Variants in ITGB8 observed in about 807,000 individuals in gnomAD.
ITGB8 encodes the protein integrin beta-8.
Under a neutral mutation model 89.5 loss-of-function variants are expected in ITGB8, and 30 were observed. That is an observed-to-expected ratio of 0.34 (90% CI 0.25 to 0.45). ITGB8 has a LOEUF of 0.45. Among genes scored for constraint, ITGB8 ranks in the 20% least tolerant of loss-of-function variants. ITGB8 has a pLI of 1.00. For synonymous variants in ITGB8, 335 were observed against 320.4 expected, an observed-to-expected ratio of 1.05 and a Z score of -0.49; for missense variants, 836 against 933.3, an observed-to-expected ratio of 0.90 and a Z score of 1.36.
At chr7:20,409,808 C>T in intron 13 of ITGB8, 30 bp downstream of exon 13, 2 of 1,610,922 alleles carry the variant, frequency 1.2e-6, no homozygotes, top group Non-Finnish European at 1.7e-6. Flanking sequence ...GAACTGCTAA[C>T]AGTATGTTAT....
chr7:20,398,778 A>G, intron 8 of ITGB8, 82 bp from the exon 9 acceptor site: 2 of 975,080 alleles, frequency 2.1e-6, no homozygotes, highest in Admixed American at 6.0e-5. Context: ...TAAATCTATA[A>G]TGATTTAATA....
intron 10 of ITGB8, 77 bp downstream of exon 10, chr7:20,402,203 C>T: frequency 7.9e-7 from 1 of 1,270,334 alleles, no homozygotes; most frequent in Non-Finnish European, 1.1e-6. Context: ...CTTTAAATCA[C>T]ATGTTTATAA....
chr7:20,382,266 C>T (rs1361291350), intron 6 of ITGB8, among the ~76,000 whole-genome samples: 1 of 152,014 alleles, frequency 6.6e-6, no homozygotes, highest in Non-Finnish European at 1.5e-5. Context: ...AGGAGGAAAC[C>T]TCACAGTACA....
At position 20,331,865 on chromosome 7, in the gene ITGB8, G is replaced by A. The variant is rs745772377; in HGVS notation, c.59G>A (p.Arg20Gln). 9.3e-6 allele frequency: 15 copies of A among 1,613,960 alleles called. No homozygotes were observed. The highest frequency in any genetic ancestry group is 1.2e-5 in the Non-Finnish European group (14 of 1,180,048). The change falls in exon 1 of 14, where the codon CGG (arginine) becomes CAG (glutamine). Residue 20 changes from arginine to glutamine, a missense_variant. Arg to Gln is a conservative substitution (Grantham distance 43). Transcript: ENST00000222573. ...TAAFVCLQND[R>Q]RGPASFLWAA... ...GCATTTGTCTGCCTGCAAAACGACCGGCGAGGTCCCGCCTCGTTCCTCTGG... is the reference window on the plus strand; with the variant it reads ...GCATTTGTCTGCCTGCAAAACGACCAGCGAGGTCCCGCCTCGTTCCTCTGG...
rs1785645570 is a variant in ITGB8, at chr7:20,365,163, G to A, written c.213+1441G>A. The A allele has an allele frequency of 4.6e-5, 7 of 152,362 alleles. No individual in the cohort carries two copies. In the South Asian group the frequency reaches 1.4e-3, roughly 32 times the overall value. The allele number at this position is 152,362 out of a possible 1,614,324, so 9.4% of individuals were successfully genotyped here. On this transcript the variant is annotated intron_variant, in intron 2 of 13. Transcript: ENST00000222573. The stretch of plus-strand genomic sequence containing the variant: ...ATAGCTGTCAGTCCTGCCATAGAAG[G>A]AGGGATTTTGAGTATTCGGAGGAAT...
chr7:20,393,815 T>A (rs763051498), intron 7 of ITGB8, among the ~76,000 whole-genome samples: 3 of 152,200 alleles, frequency 2.0e-5, no homozygotes, highest in Non-Finnish European at 4.4e-5. Flanking sequence ...AAGGCATGGC[T>A]TATAAGTCAT....
chr7:20,401,112 G>A (rs1002454461), intron 9 of ITGB8, among the ~76,000 whole-genome samples: 1 of 152,052 alleles, frequency 6.6e-6, no homozygotes, highest in African/African-American at 2.4e-5. Flanking sequence ...CCAAGTAGCT[G>A]AGACTACAGG....
In ITGB8 at chr7:20,331,923, G is replaced by A. The variant is rs1264476047; in HGVS notation, c.117G>A (p.Leu39=). The part of the protein sequence containing the change: ...AAWVFSLVLG[L]GQGEDNRCAS... Reference sequence around the variant, plus strand: ...GGGTGTTTTCACTTGTTCTTGGACTGGGCCAAGGTGGTAAGTTGTTTTGTT... The same window carrying A: ...GGGTGTTTTCACTTGTTCTTGGACTAGGCCAAGGTGGTAAGTTGTTTTGTT... Residue 39 remains leucine, a synonymous_variant, in exon 1 of 14, where the codon CTG becomes CTA. Transcript: ENST00000222573. 1 of 1,614,170 alleles carries A rather than the reference G, an allele frequency of 6.2e-7. No homozygotes were observed. The highest frequency in any genetic ancestry group is 1.1e-5 in the South Asian group (1 of 91,074).
intron 6 of ITGB8, among the ~76,000 whole-genome samples, chr7:20,387,933 G>A (rs1786695216): frequency 6.6e-6 from 1 of 151,964 alleles, no homozygotes; most frequent in Non-Finnish European, 1.5e-5. Flanking sequence ...GCAGATAAAA[G>A]GTTTTTATTT....
intron 3 of ITGB8, 139 bp downstream of exon 3, chr7:20,367,325 G>A: frequency 1.4e-6 from 1 of 696,884 alleles, no homozygotes; most frequent in South Asian, 1.7e-5. Flanking sequence ...CAAGAAATTA[G>A]AATTCTAGTC....
intron 1 of ITGB8, chr7:20,346,613 C>T (rs188479865): frequency 3.1e-6 from 2 of 654,158 alleles, no homozygotes; most frequent in African/African-American, 3.9e-5. Context: ...GAGACAAGGT[C>T]TGAGGAAGCC....
chr7:20,404,587 G>A lies in ITGB8; in HGVS notation c.1688-41G>A, dbSNP rs184941566. 9.7e-6 allele frequency: 15 copies of A among 1,547,074 alleles called. No individual in the cohort carries two copies. The East Asian group carries it at 3.0e-4, about 31-fold the overall frequency. On this transcript the variant is annotated intron_variant, in intron 10 of 13. Coordinates refer to ENST00000222573, the MANE Select transcript of ITGB8 (RefSeq NM_002214.3). ...TGGTTGAAAACTCTTTACAAAGTCA[G>A]TGATCCAGATAACATAGGTCCTGCG...
intron 3 of ITGB8, among the ~76,000 whole-genome samples, chr7:20,370,873 C>G (rs1041569788): frequency 1.3e-5 from 2 of 152,144 alleles, no homozygotes; most frequent in Admixed American, 6.6e-5. Flanking sequence ...CTCGGCTTCC[C>G]AAAGTGCTGG....
At chr7:20,341,905 G>A (rs1286817435) in intron 1 of ITGB8, among the ~76,000 whole-genome samples, 1 of 150,260 alleles carries the variant, frequency 6.7e-6, no homozygotes, top group Non-Finnish European at 1.5e-5. Flanking sequence ...AAAAAAAAAA[G>A]ATGTGTTACT....
In ITGB8 at chr7:20,415,189, A is replaced by G. The variant is rs1434621495; in HGVS notation, c.*5192A>G. On this transcript the variant is annotated 3_prime_UTR_variant, in exon 14 of 14. Coordinates refer to ENST00000222573, the MANE Select transcript of ITGB8 (RefSeq NM_002214.3). ...AAATTATAAGAAAATATACATTTGC[A>G]CATATTAATATAGAAATTCATTTTG... The G allele has an allele frequency of 6.6e-6, 1 of 152,374 alleles. No individual in the cohort carries two copies. Among genetic ancestry groups the G allele is most frequent in the Admixed American group, 6.6e-5 (1 of 15,256 alleles). 9.4% of individuals were successfully genotyped at this position (152,374 alleles called of 1,614,324 possible). A position where few individuals can be genotyped will look rare whatever the true frequency, so the allele number is the denominator to read the frequency against.
chr7:20,334,256 A>G (rs1377550276), intron 1 of ITGB8, among the ~76,000 whole-genome samples: 1 of 152,216 alleles, frequency 6.6e-6, no homozygotes, highest in Non-Finnish European at 1.5e-5. Context: ...GAGAAATAAT[A>G]GCACTGTAAA....
Position 20,410,058 on chromosome 7 carries a change from ATAATTT to A in ITGB8, c.*65_*70del. On this transcript the variant is annotated 3_prime_UTR_variant, in exon 14 of 14. Transcript: ENST00000222573. ...TTGTTAATAATTGCTCCTAAAGATT[ATAATTT>A]TAAAAGTCACAGGAGGAGACAAATT... The A allele has an allele frequency of 6.5e-7, 1 of 1,541,192 alleles. No homozygotes were observed. The highest frequency in any genetic ancestry group is 8.8e-7 in the Non-Finnish European group (1 of 1,134,876).
chr7:20,384,832 T>G (rs922837508), intron 6 of ITGB8, among the ~76,000 whole-genome samples: 1 of 152,266 alleles, frequency 6.6e-6, no homozygotes, highest in Non-Finnish European at 1.5e-5. Context: ...AATTTATATT[T>G]ACACATTGTG....
At position 20,341,941 on chromosome 7, in the gene ITGB8, A is replaced by G. The variant is rs114855493; in HGVS notation, c.127+10008A>G. On this transcript the variant is annotated intron_variant, in intron 1 of 13. Transcript: ENST00000222573. ...TCTGACTGCTTTCTACTGGTGGGGT[A>G]GAAAAGTTGGGTCAGCCAGAACGAT... Among the ~76,000 whole-genome samples the G allele has an allele frequency of 5.8e-3, 878 of 151,988 alleles. 14 individuals carry two copies. The highest frequency in any genetic ancestry group is 0.02 in the African/African-American group (835 of 41,454).
Sources: gnomAD v4.1 joint callset for allele counts (sites outside exome capture counted in the v4.1 genomes callset) on GRCh38, gnomAD v4.1.1 for gene constraint, MANE v1.5 for transcripts, NCBI Gene and HGNC (gene_info 2026-07-23, HGNC 2026-07-21) for gene names.